Variants in TRDN observed in about 807,000 individuals in gnomAD.
TRDN encodes triadin in skeletal muscle.
Under a neutral mutation model 149.7 loss-of-function variants are expected in TRDN, and 161 were observed. The observed-to-expected ratio is 1.08, with a 90% CI of 0.95 to 1.23. TRDN has a LOEUF of 1.23. Among genes scored for constraint, TRDN ranks in the 50% most tolerant of loss-of-function variants. The pLI, the probability that TRDN is intolerant of heterozygous loss-of-function variation, is 0.00. For missense variants in TRDN, 896 were observed against 823.5 expected, an observed-to-expected ratio of 1.09 and a Z score of -1.08; for synonymous variants, 294 against 250.5, an observed-to-expected ratio of 1.17 and a Z score of -1.64.
At chr6:123,378,453 AGTGTGTGTGT>A (rs59816098) in intron 16 of TRDN, among the ~76,000 whole-genome samples, 2,555 of 136,360 alleles carry the variant, frequency 0.019, 44 homozygotes, top group African/African-American at 0.05. Context: ...CCAGATTTGT[AGTGTGTGTGT>A]GTGTGTGTGT....
chr6:123,535,494 C>G (rs1360411356), intron 4 of TRDN, among the ~76,000 whole-genome samples: 1 of 152,158 alleles, frequency 6.6e-6, no homozygotes, highest in Non-Finnish European at 1.5e-5. Context: ...CTATTCATCT[C>G]TCACTCCAAG....
At chr6:123,433,162 A>AAATATATATATATATATATATAT (rs1554236916) in intron 12 of TRDN, among the ~76,000 whole-genome samples, 1 of 80,034 alleles carries the variant, frequency 1.2e-5, no homozygotes, top group Non-Finnish European at 2.5e-5. Flanking sequence ...ATATATATAT[A>AAATATATATATATATATATATAT]ATATATATAT....
chr6:123,287,842 T>G (rs561128474), intron 24 of TRDN, among the ~76,000 whole-genome samples: 2 of 152,084 alleles, frequency 1.3e-5, no homozygotes, highest in Non-Finnish European at 2.9e-5. Context: ...ATTGGCTGTG[T>G]ATGATGGAAT....
intron 22 of TRDN, among the ~76,000 whole-genome samples, 173 bp downstream of exon 22, chr6:123,337,446 A>T (rs1000920195): frequency 6.6e-6 from 1 of 151,888 alleles, no homozygotes; most frequent in Non-Finnish European, 1.5e-5. Context: ...GGTAATAATG[A>T]GAAGAAATAA....
chr6:123,416,626 G>T (rs112212845), intron 12 of TRDN, among the ~76,000 whole-genome samples: 3 of 151,618 alleles, frequency 2.0e-5, no homozygotes, highest in Admixed American at 1.3e-4. Flanking sequence ...TTTATGATTT[G>T]TCTCCTTCAC....
chr6:123,296,406 G>C (rs1304936797), intron 24 of TRDN, among the ~76,000 whole-genome samples: 1 of 151,950 alleles, frequency 6.6e-6, no homozygotes, highest in Non-Finnish European at 1.5e-5. Flanking sequence ...GACCATTAGG[G>C]GGATGCAAGA....
chr6:123,284,422 C>T (rs896304690), intron 24 of TRDN, among the ~76,000 whole-genome samples: 1 of 151,804 alleles, frequency 6.6e-6, no homozygotes, highest in African/African-American at 2.4e-5. Context: ...ATCACATGAT[C>T]ATCTGAATAG....
chr6:123,625,244 A>G (rs1562139579), intron 1 of TRDN, among the ~76,000 whole-genome samples: 1 of 152,200 alleles, frequency 6.6e-6, no homozygotes, highest in South Asian at 2.1e-4. Flanking sequence ...TGAAATAATC[A>G]TAAGATTTAT....
intron 24 of TRDN, among the ~76,000 whole-genome samples, chr6:123,291,598 GAA>G (rs1338533387): frequency 2.0e-5 from 3 of 152,050 alleles, no homozygotes; most frequent in African/African-American, 4.8e-5. Context: ...GGACAAGTCA[GAA>G]ATTTCAAGCA....
intron 9 of TRDN, among the ~76,000 whole-genome samples, chr6:123,474,014 G>A (rs1273911279): frequency 6.6e-6 from 1 of 151,958 alleles, no homozygotes; most frequent in Non-Finnish European, 1.5e-5. Flanking sequence ...AGACCATCGA[G>A]ACTAGGAAGA....
At chr6:123,301,489 A>G (rs953313270) in intron 24 of TRDN, among the ~76,000 whole-genome samples, 7 of 151,742 alleles carry the variant, frequency 4.6e-5, no homozygotes, top group African/African-American at 1.7e-4. Flanking sequence ...GGGCAAAATA[A>G]TGAAACTTAA....
At chr6:123,390,435 A>G (rs149207637) in intron 13 of TRDN, among the ~76,000 whole-genome samples, 96 of 152,254 alleles carry the variant, frequency 6.3e-4, no homozygotes, top group Admixed American at 2.7e-3. Context: ...TCCCATTCTT[A>G]TATATTTGAT....
intron 8 of TRDN, chr6:123,503,061 T>G (rs1158002820): frequency 5.1e-6 from 5 of 985,208 alleles, no homozygotes. Context: ...TGATATATTT[T>G]TGCAAAGTGG....
chr6:123,564,298 T>G (rs4895847), intron 2 of TRDN, among the ~76,000 whole-genome samples: 1 of 152,162 alleles, frequency 6.6e-6, no homozygotes, highest in Non-Finnish European at 1.5e-5. Context: ...ACACACAAAA[T>G]GTGCTCCTTG....
At chr6:123,218,802 A>G in intron 40 of TRDN, 62 bp from the exon 41 acceptor site, 2 of 1,507,824 alleles carry the variant, frequency 1.3e-6, no homozygotes, top group Non-Finnish European at 1.8e-6. Flanking sequence ...AAGCACAGTG[A>G]GGCAGTGCAG....
At chr6:123,300,347 C>A (rs1247596977) in intron 24 of TRDN, among the ~76,000 whole-genome samples, 1 of 151,796 alleles carries the variant, frequency 6.6e-6, no homozygotes, top group Non-Finnish European at 1.5e-5. Flanking sequence ...CAAATACAGC[C>A]AATTGAAGAT....
chr6:123,326,078 T>C (rs1318910261), intron 23 of TRDN, among the ~76,000 whole-genome samples: 1 of 152,138 alleles, frequency 6.6e-6, no homozygotes, highest in East Asian at 1.9e-4. Context: ...GTAGTACTCA[T>C]GTTAAGAAGA....
intron 9 of TRDN, among the ~76,000 whole-genome samples, chr6:123,467,580 G>C (rs1285899252): frequency 6.6e-6 from 1 of 152,034 alleles, no homozygotes; most frequent in African/African-American, 2.4e-5. Context: ...CTGTCTCCAT[G>C]GTGACAGTGA....
intron 18 of TRDN, 149 bp from the exon 19 acceptor site, chr6:123,375,780 A>G (rs1437951810): frequency 1.7e-6 from 1 of 571,978 alleles, no homozygotes; most frequent in African/African-American, 2.0e-5. Context: ...AAAGGAAAAT[A>G]TAATACTGTG....
Sources: gnomAD v4.1 joint callset for allele counts (sites outside exome capture counted in the v4.1 genomes callset) on GRCh38, gnomAD v4.1.1 for gene constraint, MANE v1.5 for transcripts, NCBI Gene and HGNC (gene_info 2026-07-23, HGNC 2026-07-21) for gene names.